The following KHDC4 variants were observed in gnomAD, a reference collection of about 807,000 sequenced individuals.
KHDC4 encodes KH homology domain-containing protein 4.
KHDC4 carries 19 observed loss-of-function variants against 74.5 expected under a neutral mutation model. The ratio of observed to expected loss-of-function variants is 0.26; its 90% CI spans 0.18 to 0.37. The LOEUF (loss-of-function observed/expected upper bound fraction) is 0.37. Ranked by LOEUF, KHDC4 falls within the 10% of genes least tolerant of loss-of-function variation. The pLI, the probability that KHDC4 is intolerant of heterozygous loss-of-function variation, is 1.00. For missense variants in KHDC4, 632 were observed against 754.1 expected (o/e 0.84, Z 1.90); for synonymous variants, 253 against 266.1 (o/e 0.95, Z 0.48).
chr1:155,931,286 T>A (rs1572014862), intron 2 of KHDC4, among the ~76,000 whole-genome samples: 4 of 74,326 alleles, frequency 5.4e-5, no homozygotes, highest in African/African-American at 4.9e-5. Flanking sequence ...CAAGACTCTA[T>A]CACCAAAAAA....
intron 4 of KHDC4, among the ~76,000 whole-genome samples, chr1:155,928,331 G>A (rs1424402899): frequency 2.6e-5 from 4 of 151,974 alleles, no homozygotes; most frequent in African/African-American, 7.2e-5. Context: ...CCGAGATGGC[G>A]CCATTGCACT....
intron 7 of KHDC4, among the ~76,000 whole-genome samples, chr1:155,925,364 T>C (rs822502): frequency 0.81 from 123,072 of 151,820 alleles, 52,038 homozygotes; most frequent in East Asian, 0.94. Context: ...GATGGGGTTT[T>C]GCTATGTTGC....
intron 2 of KHDC4, among the ~76,000 whole-genome samples, chr1:155,933,119 G>C (rs749602659): frequency 6.6e-6 from 1 of 152,098 alleles, no homozygotes; most frequent in Non-Finnish European, 1.5e-5. Flanking sequence ...ACAAGGACAA[G>C]ACAAGGTATT....
At chr1:155,916,494 ACAGAAGCAT>A in intron 12 of KHDC4, 122 bp downstream of exon 12, 1 of 679,602 alleles carries the variant, frequency 1.5e-6, no homozygotes, top group Non-Finnish European at 2.5e-6. Context: ...ATTACAACAA[ACAGAAGCAT>A]ATTTGATTCA....
chr1:155,917,504 A>G lies in KHDC4; in HGVS notation c.1435T>C (p.Tyr479His), dbSNP rs766143896. ...AACAGGGTATTTTATTTAACCTGGT[A>G]TCCAAGCAGTCCAGATTCCCGTTCA... ...PDERESGLLG[Y>H]QHGPIHMTNL... The change falls in exon 11 of 14, where the codon TAC (tyrosine) becomes CAC (histidine). Residue 479 changes from tyrosine to histidine, a missense_variant. Coordinates refer to ENST00000368321, the MANE Select transcript of KHDC4 (RefSeq NM_014949.4). The G allele has an allele frequency of 2.5e-6, 4 of 1,611,954 alleles. No homozygotes were observed. The highest frequency in any genetic ancestry group is 3.4e-6 in the Non-Finnish European group (4 of 1,178,422).
intron 2 of KHDC4, among the ~76,000 whole-genome samples, chr1:155,931,568 G>T (rs1264868940): frequency 6.6e-6 from 1 of 152,184 alleles, no homozygotes; most frequent in African/African-American, 2.4e-5. Context: ...GGAACCACAG[G>T]CATGCACCAC....
intron 1 of KHDC4, 94 bp from the exon 2 acceptor site, chr1:155,933,943 A>T: frequency 9.9e-7 from 1 of 1,006,102 alleles, no homozygotes; most frequent in Non-Finnish European, 1.4e-6. Flanking sequence ...TCCCTCTATT[A>T]TATTCCATTT....
chr1:155,929,844 G>GA lies in KHDC4; in HGVS notation c.256-5dup. Reference sequence around the variant, plus strand: ...GGCCTTTGCCAGGAGCCTGAAGCTAGAAAAAAGAGAAATTAGATTAAAAAG... The same window carrying GA: ...GGCCTTTGCCAGGAGCCTGAAGCTAGAAAAAAAGAGAAATTAGATTAAAAAG... On this transcript the variant is annotated splice_region_variant and splice_polypyrimidine_tract_variant and intron_variant, in intron 2 of 13. Coordinates refer to ENST00000368321, the MANE Select transcript of KHDC4 (RefSeq NM_014949.4). 6 of 1,551,946 alleles carry GA rather than the reference G, an allele frequency of 3.9e-6. No individual in the cohort carries two copies. Among genetic ancestry groups the GA allele is most frequent in the Admixed American group, 2.1e-5 (1 of 48,008 alleles).
At position 155,933,815 on chromosome 1, in the gene KHDC4, G is replaced by T. The variant is rs768555404; in HGVS notation, c.73C>A (p.Pro25Thr). Residue 25 changes from proline (P) to threonine (T), a missense_variant, in exon 2 of 14, where the codon CCA (proline) becomes ACA (threonine). Pro to Thr is a conservative substitution (Grantham distance 38). This residue lies in a region of KHDC4 where 104 missense variants were observed against 78.1 expected (regional missense o/e 1.33). Transcript: ENST00000368321. ...GCCGCTGGCGGGAGGAAGAGAAGTGGGGCTGGAGCTGGTTGGTCCCATTTG... is the reference window on the plus strand; with the variant it reads ...GCCGCTGGCGGGAGGAAGAGAAGTGTGGCTGGAGCTGGTTGGTCCCATTTG... ...RSKWDQPAPA[P>T]LLFLPPAAPG... 10 of 1,586,458 alleles carry T rather than the reference G, an allele frequency of 6.3e-6. No individual in the cohort carries two copies. The Admixed American group carries it at 1.6e-4, about 26-fold the overall frequency.
At chr1:155,917,777 T>C in intron 10 of KHDC4, 105 bp from the exon 11 acceptor site, 1 of 1,007,228 alleles carries the variant, frequency 9.9e-7, no homozygotes, top group Non-Finnish European at 1.4e-6. Flanking sequence ...ATCATATGAA[T>C]TTTGCATCTT....
intron 7 of KHDC4, among the ~76,000 whole-genome samples, chr1:155,924,195 T>C (rs1464322612): frequency 6.7e-6 from 1 of 149,192 alleles, no homozygotes; most frequent in African/African-American, 2.4e-5. Flanking sequence ...CGGGTGCCTA[T>C]AGTCCCAGCT....
chr1:155,932,749 T>C (rs993172138), intron 2 of KHDC4: 1 of 151,984 alleles, frequency 6.6e-6, no homozygotes, highest in African/African-American at 2.4e-5. Flanking sequence ...GTCAACATGG[T>C]GAAACCCTGT....
intron 2 of KHDC4, 123 bp from the exon 3 acceptor site, chr1:155,929,963 A>T (rs1430840362): frequency 3.8e-6 from 2 of 519,524 alleles, no homozygotes; most frequent in Non-Finnish European, 5.6e-6. Flanking sequence ...CCCAGGATGG[A>T]GTGCAGTGGC....
intron 4 of KHDC4, among the ~76,000 whole-genome samples, chr1:155,927,785 A>C (rs1021078262): frequency 6.9e-6 from 1 of 144,566 alleles, no homozygotes; most frequent in African/African-American, 2.6e-5. Context: ...CCGGGGCAAC[A>C]GAACAAGACT....
At chr1:155,919,466 G>A (rs1225998942) in intron 10 of KHDC4, among the ~76,000 whole-genome samples, 2 of 152,088 alleles carry the variant, frequency 1.3e-5, no homozygotes, top group East Asian at 3.9e-4. Flanking sequence ...CCTGAGGTCA[G>A]GAGTTTGTGA....
intron 11 of KHDC4, 117 bp downstream of exon 11, chr1:155,917,382 G>C (rs949121407): frequency 1.8e-5 from 16 of 910,224 alleles, no homozygotes; most frequent in African/African-American, 1.7e-4. Context: ...TAACCAAAAT[G>C]AATTCCAGAA....
chr1:155,914,054 T>A lies in KHDC4; in HGVS notation c.*67A>T. Reference sequence around the variant, plus strand: ...TCCCAGCACAGGCCCCAGAGTCTTGTTAAATCAAATGCATGCATTATTGCT... The same window carrying A: ...TCCCAGCACAGGCCCCAGAGTCTTGATAAATCAAATGCATGCATTATTGCT... On this transcript the variant is annotated 3_prime_UTR_variant, in exon 14 of 14. Coordinates refer to ENST00000368321, the MANE Select transcript of KHDC4 (RefSeq NM_014949.4). 7.3e-7 allele frequency: 1 copy of A among 1,368,494 alleles called. No homozygotes were observed. Among genetic ancestry groups the A allele is most frequent in the Non-Finnish European group, 1.0e-6 (1 of 957,348 alleles). The allele number at this position is 1,368,494 out of a possible 1,614,324, so 84.8% of individuals were successfully genotyped here. A position where few individuals can be genotyped will look rare whatever the true frequency, so the allele number is the denominator to read the frequency against.
At position 155,929,795 on chromosome 1, in the gene KHDC4, C is replaced by A; in HGVS notation, c.301G>T (p.Asp101Tyr). ...ATTTCTACTTCAGCTACCACCAGGT[C>A]ATCCTTGCTTTTATTGCTAGTTAGG... ...KGLTSNKSKD[D>Y]LVVAEVEIND... The change falls in exon 3 of 14, where the codon GAC (aspartate) becomes TAC (tyrosine). Residue 101 changes from aspartate (D) to tyrosine (Y), a missense_variant. This residue lies in a region of KHDC4 where 233 missense variants were observed against 342.6 expected (regional missense o/e 0.68). Transcript: ENST00000368321. 1 of 1,611,692 alleles carries A rather than the reference C, an allele frequency of 6.2e-7. No homozygotes were observed. The highest frequency in any genetic ancestry group is 1.1e-5 in the South Asian group (1 of 90,668).
In KHDC4 at chr1:155,926,715, C is replaced by T. The variant is rs368064714; in HGVS notation, c.642G>A (p.Leu214=). Residue 214 remains leucine, a synonymous_variant, in exon 6 of 14, where the codon TTG becomes TTA. Transcript: ENST00000368321. ...VYHQPAPIAQ[L]SPAVSQKPPF... is the part of the protein sequence containing the mutation. ...GAGGCTTCTGGCTAACAGCTGGAGACAACTGAGCGATGGGTGCTGGCTGGT... is the reference window on the plus strand; with the variant it reads ...GAGGCTTCTGGCTAACAGCTGGAGATAACTGAGCGATGGGTGCTGGCTGGT... 7.7e-5 allele frequency: 125 copies of T among 1,614,056 alleles called. No individual in the cohort carries two copies. The highest frequency in any genetic ancestry group is 1.0e-4 in the Non-Finnish European group (118 of 1,180,036).
Sources: allele counts gnomAD v4.1 joint callset (sites outside exome capture counted in the v4.1 genomes callset), GRCh38; gene constraint gnomAD v4.1.1; regional missense constraint gnomAD v4.1.1; transcripts MANE v1.5; gene names NCBI Gene and HGNC (gene_info 2026-07-23, HGNC 2026-07-21).